Variants in CRACDL observed in about 807,000 individuals in gnomAD.
CRACDL encodes CRACD-like protein.
A neutral mutation model predicts 70.6 loss-of-function variants in CRACDL; 26 were observed. That is an observed-to-expected ratio of 0.37 (90% CI 0.27 to 0.51). The LOEUF (loss-of-function observed/expected upper bound fraction) is 0.51. Ranked by LOEUF, CRACDL falls within the 20% of genes least tolerant of loss-of-function variation. The pLI is 0.94. For missense variants in CRACDL, 1,283 were observed against 1,376.9 expected (o/e 0.93, Z 1.08); for synonymous variants, 618 against 615.2 (o/e 1.00, Z -0.07).
intron 9 of CRACDL, 118 bp downstream of exon 9, chr2:98,796,002 G>C: frequency 1.1e-6 from 1 of 893,340 alleles, no homozygotes; most frequent in East Asian, 2.4e-5. Context: ...TAAGAGCTGT[G>C]TAGAAAACTC....
At chr2:98,893,472 G>C (rs928569944) in intron 1 of CRACDL, among the ~76,000 whole-genome samples, 15 of 152,096 alleles carry the variant, frequency 9.9e-5, no homozygotes, top group Non-Finnish European at 2.1e-4. Flanking sequence ...TTTTAGTAGA[G>C]ACGGGGTTTC....
intron 5 of CRACDL, among the ~76,000 whole-genome samples, chr2:98,830,589 G>T (rs964010843): frequency 3.3e-5 from 5 of 152,050 alleles, no homozygotes; most frequent in Non-Finnish European, 7.4e-5. Context: ...TTACCTTTCT[G>T]TTTTTAAGTC....
rs1055769734 is a variant in CRACDL at position 98,796,342 on chromosome 2, G to C, written c.2605-78C>G. ...CAAACACATCCAAAGTGAAGGAGCT[G>C]CAAAGCTGCTCATCCAAGATGCCTG... is the stretch of plus-strand genomic sequence containing the variant. On this transcript the variant is annotated intron_variant, in intron 8 of 9. Transcript: ENST00000397899. 5.5e-6 allele frequency: 8 copies of C among 1,456,972 alleles called. 1 individual carries two copies. Among genetic ancestry groups the C allele is most frequent in the African/African-American group, 2.8e-5 (2 of 71,818 alleles). 90.3% of individuals were successfully genotyped at this position (1,456,972 alleles called of 1,614,324 possible).
At chr2:98,873,868 T>C (rs1353326550) in intron 1 of CRACDL, among the ~76,000 whole-genome samples, 2 of 152,136 alleles carry the variant, frequency 1.3e-5, no homozygotes, top group Non-Finnish European at 2.9e-5. Context: ...TAGTTGGGCG[T>C]GGTGGCACAT....
In CRACDL at chr2:98,822,313, G is replaced by T. The variant is rs1295729567; in HGVS notation, c.1960C>A (p.Pro654Thr). Residue 654 changes from proline (P) to threonine (T), a missense_variant, in exon 7 of 10, where the codon CCT becomes ACT. Coordinates refer to ENST00000397899, the MANE Select transcript of CRACDL (RefSeq NM_207362.3). The surrounding 1 kb of genome is among the most constrained non-coding windows in gnomAD (Gnocchi z 4.9). ...AASPAGPRKSPQEAAAAPGTR... is the reference protein window; with the variant it reads ...AASPAGPRKSTQEAAAAPGTR... ...CCGGGCGCGGCGGCCGCCTCCTGAGGGCTCTTGCGCGGCCCGGCCGGGCTG... is the reference window on the plus strand; with the variant it reads ...CCGGGCGCGGCGGCCGCCTCCTGAGTGCTCTTGCGCGGCCCGGCCGGGCTG... 1 of 1,496,514 alleles carries T rather than the reference G, an allele frequency of 6.7e-7. No individual in the cohort carries two copies. The highest frequency in any genetic ancestry group is 8.8e-7 in the Non-Finnish European group (1 of 1,133,382). 92.7% of individuals were successfully genotyped at this position (1,496,514 alleles called of 1,614,324 possible). A position where few individuals can be genotyped will look rare whatever the true frequency, so the allele number is the denominator to read the frequency against.
intron 2 of CRACDL, among the ~76,000 whole-genome samples, chr2:98,839,533 A>G (rs1439264554): frequency 1.3e-5 from 2 of 152,236 alleles, no homozygotes; most frequent in Admixed American, 6.5e-5. Flanking sequence ...CCTCAATATC[A>G]TGACCATCAA....
At chr2:98,806,698 G>A (rs1704312128) in intron 7 of CRACDL, among the ~76,000 whole-genome samples, 1 of 152,246 alleles carries the variant, frequency 6.6e-6, no homozygotes, top group South Asian at 2.1e-4. Context: ...CAAGGATATG[G>A]GGAGGGAAAG....
intron 1 of CRACDL, among the ~76,000 whole-genome samples, chr2:98,924,394 A>G (rs932264304): frequency 2.2e-4 from 34 of 152,210 alleles, no homozygotes; most frequent in African/African-American, 8.0e-4. Flanking sequence ...TTCACCTCAA[A>G]ACAAAGATAA....
intron 1 of CRACDL, among the ~76,000 whole-genome samples, chr2:98,886,709 A>G (rs766327400): frequency 6.6e-6 from 1 of 152,266 alleles, no homozygotes; most frequent in Non-Finnish European, 1.5e-5. Context: ...GTGGCCACAC[A>G]TGACAAAAAT....
Position 98,794,304 on chromosome 2 carries a change from CT to C in CRACDL, c.*227del. 2.3e-6 allele frequency: 1 copy of C among 434,034 alleles called. No individual in the cohort carries two copies. The highest frequency in any genetic ancestry group is 4.1e-6 in the Non-Finnish European group (1 of 245,138). 26.9% of individuals were successfully genotyped at this position (434,034 alleles called of 1,614,324 possible). A position where few individuals can be genotyped will look rare whatever the true frequency, so the allele number is the denominator to read the frequency against. On this transcript the variant is annotated 3_prime_UTR_variant, in exon 10 of 10. Transcript: ENST00000397899. The stretch of plus-strand genomic sequence containing the variant: ...TACCTTTGGGCACAGGAACTGGTTC[CT>C]GGACTTTTTCAATGTTGTTCTTGTT...
At chr2:98,909,570 CGCGAGCAAACACTGGCCAGGCAAATG>C (rs1346489959) in intron 1 of CRACDL, among the ~76,000 whole-genome samples, 1 of 152,168 alleles carries the variant, frequency 6.6e-6, no homozygotes, top group African/African-American at 2.4e-5. Flanking sequence ...GGCTGCAGGA[CGCGAGCAAACACTGGCCAGGCAAATG>C]GCATTTCCTC....
intron 1 of CRACDL, among the ~76,000 whole-genome samples, chr2:98,924,545 A>G (rs1240872264): frequency 6.6e-6 from 1 of 152,238 alleles, no homozygotes; most frequent in Non-Finnish European, 1.5e-5. Flanking sequence ...TTATTCTCAC[A>G]GACAGGAGCC....
chr2:98,864,829 G>T (rs536509887), intron 1 of CRACDL, among the ~76,000 whole-genome samples: 1 of 152,306 alleles, frequency 6.6e-6, no homozygotes, highest in South Asian at 2.1e-4. Context: ...TTACAGGCAT[G>T]AACCACTGCG....
intron 1 of CRACDL, among the ~76,000 whole-genome samples, chr2:98,933,645 G>A (rs1053236545): frequency 6.6e-6 from 1 of 152,040 alleles, no homozygotes; most frequent in Non-Finnish European, 1.5e-5. Context: ...GCATGACAAG[G>A]CACGGAGCCA....
chr2:98,795,783 C>T (rs1220965806), intron 9 of CRACDL, among the ~76,000 whole-genome samples: 7 of 152,090 alleles, frequency 4.6e-5, no homozygotes, highest in African/African-American at 1.4e-4. Context: ...GTGGAACCCG[C>T]ACATAAAAAA....
rs1329934418 is a variant in CRACDL at position 98,795,040 on chromosome 2, A to AATATATAAAAATTTATATAT, written c.2750-370_2750-369insATATATAAATTTTTATATAT. 4.2e-3 allele frequency among the ~76,000 whole-genome samples: 117 copies of AATATATAAAAATTTATATAT among 27,630 alleles called. 20 individuals are homozygous for AATATATAAAAATTTATATAT. The highest frequency in any genetic ancestry group is 7.0e-3 in the African/African-American group (42 of 6,012). The allele number at this position is 27,630 out of a possible 152,430, so 18.1% of individuals were successfully genotyped here. ...GTTATGTGCCCTTACCATAATTAAA[A>AATATATAAAAATTTATATAT]ATATATATATATATATATATATATA... On this transcript the variant is annotated intron_variant, in intron 9 of 9. Transcript: ENST00000397899.
intron 5 of CRACDL, 95 bp from the exon 6 acceptor site, chr2:98,827,264 C>G: frequency 2.4e-6 from 2 of 817,814 alleles, no homozygotes; most frequent in Non-Finnish European, 4.1e-6. Flanking sequence ...CCCAGGCTGT[C>G]TTCCCACACT....
chr2:98,803,015 T>G (rs1704142256), intron 7 of CRACDL, among the ~76,000 whole-genome samples: 1 of 151,052 alleles, frequency 6.6e-6, no homozygotes, highest in South Asian at 2.1e-4. Context: ...TTTTTTTTTT[T>G]TTGAGATGGA....
chr2:98,836,231 G>A (rs930821565), intron 3 of CRACDL, among the ~76,000 whole-genome samples: 5 of 152,166 alleles, frequency 3.3e-5, no homozygotes, highest in African/African-American at 1.2e-4. Flanking sequence ...AACCCACAGG[G>A]TCCCATGTGG....
Sources: gnomAD v4.1 joint callset for allele counts (sites outside exome capture counted in the v4.1 genomes callset) on GRCh38, gnomAD v4.1.1 for gene constraint, Gnocchi (gnomAD v3.1) non-coding constraint, MANE v1.5 for transcripts, NCBI Gene and HGNC (gene_info 2026-07-23, HGNC 2026-07-21) for gene names.